ADGRB3: variants seen among roughly 807,000 people sequenced by gnomAD.
ADGRB3 encodes the protein adhesion G protein-coupled receptor B3.
A neutral mutation model predicts 193.4 loss-of-function variants in ADGRB3; 37 were observed. The observed-to-expected ratio is 0.19, with a 90% confidence interval of 0.15 to 0.25. The LOEUF (loss-of-function observed/expected upper bound fraction) is 0.25, where lower values mean the gene tolerates loss of function less well. ADGRB3 is among the 10% of genes least tolerant of loss of function. The pLI is 1.00. For missense variants in ADGRB3, 1,637 were observed against 1,852.9 expected (o/e 0.88, Z 2.14); for synonymous variants, 690 against 644.2 (o/e 1.07, Z -1.08).
intron 3 of ADGRB3, among the ~76,000 whole-genome samples, chr6:68,733,737 G>A (rs1765819253): frequency 6.6e-6 from 1 of 151,082 alleles, no homozygotes; most frequent in Admixed American, 6.6e-5. Context: ...CTAGTTGATA[G>A]CACAATAGGG....
intron 3 of ADGRB3, among the ~76,000 whole-genome samples, chr6:68,816,258 C>T (rs1383366625): frequency 6.6e-6 from 1 of 151,754 alleles, no homozygotes. Context: ...GAACAAGTAG[C>T]CAATGCTTAT....
intron 16 of ADGRB3, among the ~76,000 whole-genome samples, chr6:69,065,081 T>C (rs1771861179): frequency 6.6e-6 from 1 of 152,216 alleles, no homozygotes; most frequent in Non-Finnish European, 1.5e-5. Context: ...AATGATGAGA[T>C]AATTATCAGA....
chr6:69,187,820 A>G (rs890872913), intron 17 of ADGRB3, among the ~76,000 whole-genome samples: 23 of 152,170 alleles, frequency 1.5e-4, no homozygotes, highest in African/African-American at 5.5e-4. Context: ...TGAAAGGGAA[A>G]AGCAGCTAGA....
intron 20 of ADGRB3, among the ~76,000 whole-genome samples, chr6:69,265,000 T>C (rs555337343): frequency 5.3e-5 from 8 of 152,026 alleles, no homozygotes; most frequent in Admixed American, 3.9e-4. Context: ...TCACATGCCC[T>C]GAACCAAGAC....
At chr6:68,879,268 G>T (rs1274785718) in intron 3 of ADGRB3, among the ~76,000 whole-genome samples, 5 of 139,388 alleles carry the variant, frequency 3.6e-5, no homozygotes, top group Non-Finnish European at 7.6e-5. Flanking sequence ...CCAGGCTGGA[G>T]TGCAGTGGCA....
At chr6:68,844,801 G>A (rs1768240903) in intron 3 of ADGRB3, among the ~76,000 whole-genome samples, 1 of 152,140 alleles carries the variant, frequency 6.6e-6, no homozygotes, top group Admixed American at 6.6e-5. Context: ...AAAAGAGTGA[G>A]ACGATGTCAT....
chr6:69,148,940 T>C (rs181212574), intron 17 of ADGRB3, among the ~76,000 whole-genome samples: 1 of 152,288 alleles, frequency 6.6e-6, no homozygotes, highest in Admixed American at 6.5e-5. Flanking sequence ...TTTGTTTATT[T>C]TCTCTTGTTT....
At chr6:68,659,460 A>G (rs1178607983) in intron 3 of ADGRB3, among the ~76,000 whole-genome samples, 4 of 150,674 alleles carry the variant, frequency 2.7e-5, no homozygotes, top group Non-Finnish European at 6.0e-5. Context: ...TTTCTTATTT[A>G]TTTTGTTTTC....
chr6:68,652,797 CAAT>C (rs1768397385), intron 3 of ADGRB3, among the ~76,000 whole-genome samples: 1 of 151,994 alleles, frequency 6.6e-6, no homozygotes, highest in African/African-American at 2.4e-5. Context: ...GTTATTAGAG[CAAT>C]AATAATTATG....
chr6:68,648,482 T>TC, intron 3 of ADGRB3, among the ~76,000 whole-genome samples: 1 of 149,948 alleles, frequency 6.7e-6, no homozygotes, highest in African/African-American at 2.5e-5. Context: ...GTTTTTTTTT[T>TC]CGAAAGAGAG....
chr6:69,243,379 G>A (rs1343312082), intron 20 of ADGRB3, among the ~76,000 whole-genome samples: 3 of 151,908 alleles, frequency 2.0e-5, no homozygotes, highest in African/African-American at 7.3e-5. Flanking sequence ...CATTCAGTGA[G>A]GTGGACATAG....
chr6:68,989,252 G>A (rs1290557725), intron 10 of ADGRB3, among the ~76,000 whole-genome samples: 1 of 151,998 alleles, frequency 6.6e-6, no homozygotes, highest in Non-Finnish European at 1.5e-5. Flanking sequence ...AAATCGTTAA[G>A]ACATGAAAGA....
intron 3 of ADGRB3, among the ~76,000 whole-genome samples, chr6:68,820,080 G>A (rs1039341299): frequency 2.6e-5 from 4 of 151,696 alleles, no homozygotes; most frequent in African/African-American, 9.7e-5. Flanking sequence ...GCATCGACCT[G>A]GTACCCAAGG....
rs578219335 is a variant in ADGRB3 at position 68,756,734 on chromosome 6, T to C, written c.757+117302T>C. ...CTGTGAGGAACAGAGACTATTTAAT[T>C]CCAAAACTCTTGGTATTCTAATAGT... On this transcript the variant is annotated intron_variant, in intron 3 of 31. Transcript: ENST00000370598. Among the ~76,000 whole-genome samples the C allele has an allele frequency of 2.2e-4, 34 of 152,254 alleles. 1 individual carries two copies. Among genetic ancestry groups the C allele is most frequent in the African/African-American group, 7.9e-4 (33 of 41,558 alleles).
intron 3 of ADGRB3, among the ~76,000 whole-genome samples, chr6:68,879,429 C>A (rs925057741): frequency 6.6e-6 from 1 of 151,794 alleles, no homozygotes; most frequent in Non-Finnish European, 1.5e-5. Flanking sequence ...GGGGTTTCAC[C>A]GTGTTAGCCA....
chr6:68,827,619 C>A (rs1767869299), intron 3 of ADGRB3, among the ~76,000 whole-genome samples: 1 of 151,064 alleles, frequency 6.6e-6, no homozygotes, highest in Admixed American at 6.6e-5. Context: ...TGTTAAGTGC[C>A]AAGAGAGCTT....
At chr6:68,683,608 T>C (rs1764934201) in intron 3 of ADGRB3, among the ~76,000 whole-genome samples, 1 of 152,156 alleles carries the variant, frequency 6.6e-6, no homozygotes. Flanking sequence ...ATATGAAGAA[T>C]ATTTGATGGG....
At chr6:69,113,055 G>A (rs545299460) in intron 17 of ADGRB3, among the ~76,000 whole-genome samples, 1 of 152,246 alleles carries the variant, frequency 6.6e-6, no homozygotes, top group South Asian at 2.1e-4. Flanking sequence ...ACTATGCCCG[G>A]CTGAGATAAT....
chr6:68,669,133 A>G (rs1252823449), intron 3 of ADGRB3, among the ~76,000 whole-genome samples: 1 of 151,934 alleles, frequency 6.6e-6, no homozygotes, highest in Non-Finnish European at 1.5e-5. Flanking sequence ...GGAATACATG[A>G]GATGTTTCCA....
Sources: gnomAD v4.1 joint callset for allele counts (sites outside exome capture counted in the v4.1 genomes callset) on GRCh38, gnomAD v4.1.1 for gene constraint, MANE v1.5 for transcripts, NCBI Gene and HGNC (gene_info 2026-07-23, HGNC 2026-07-21) for gene names.